The following N4BP1 variants were observed in gnomAD, a reference collection of about 807,000 sequenced individuals.
N4BP1 encodes NEDD4 binding protein 1.
Under a neutral mutation model 70.9 loss-of-function variants are expected in N4BP1, and 21 were observed. The observed-to-expected ratio is 0.30, with a 90% CI of 0.21 to 0.43. The LOEUF (loss-of-function observed/expected upper bound fraction) is 0.43. Ranked by LOEUF, N4BP1 falls within the 20% of genes least tolerant of loss-of-function variation. N4BP1 has a pLI of 1.00. For synonymous variants in N4BP1, 387 were observed against 394.6 expected, an observed-to-expected ratio of 0.98 and a Z score of 0.23; for missense variants, 936 against 1,069.4, an observed-to-expected ratio of 0.88 and a Z score of 1.74.
chr16:48,560,488 G>A (rs1963837812), intron 2 of N4BP1: 1 of 384,012 alleles, frequency 2.6e-6, no homozygotes, highest in East Asian at 4.8e-5. Flanking sequence ...ACATATCACT[G>A]AGCAATGCAA....
At chr16:48,608,137 TGACA>T (rs1415038787) in intron 1 of N4BP1, among the ~76,000 whole-genome samples, 6 of 152,222 alleles carry the variant, frequency 3.9e-5, no homozygotes, top group African/African-American at 1.2e-4. Context: ...CCTTTCTTTC[TGACA>T]TTCTCCGAGC....
rs1260154163 is a variant in N4BP1 at position 48,543,093 on chromosome 16, T to G, written c.2502A>C (p.Pro834=). ...LPQQPHFPLL[P]ALPSLQQNLP... Reference sequence around the variant, plus strand: ...GGTTCTGCTGGAGACTGGGGAGGGCTGGCAGCAGTGGGAAGTGGGGCTGCT... The same window carrying G: ...GGTTCTGCTGGAGACTGGGGAGGGCGGGCAGCAGTGGGAAGTGGGGCTGCT... The change falls in exon 7 of 7, where the codon CCA becomes CCC. Residue 834 remains proline, a synonymous_variant. Transcript: ENST00000262384. 6.2e-7 allele frequency: 1 copy of G among 1,613,654 alleles called. No homozygotes were observed. Among genetic ancestry groups the G allele is most frequent in the East Asian group, 2.2e-5 (1 of 44,868 alleles).
chr16:48,567,611 G>A (rs1963962226), intron 1 of N4BP1, among the ~76,000 whole-genome samples: 1 of 152,086 alleles, frequency 6.6e-6, no homozygotes, highest in Admixed American at 6.5e-5. Flanking sequence ...GAGCCACCAT[G>A]CTCGGCCCCT....
intron 1 of N4BP1, among the ~76,000 whole-genome samples, chr16:48,588,815 C>T (rs1330257117): frequency 6.6e-6 from 1 of 152,036 alleles, no homozygotes; most frequent in African/African-American, 2.4e-5. Flanking sequence ...GCAAATCCAG[C>T]CCTTGGACCA....
In N4BP1 at chr16:48,610,091, C is replaced by T. The variant is rs1425901303; in HGVS notation, c.-119G>A. On this transcript the variant is annotated 5_prime_UTR_variant, in exon 1 of 7. Coordinates refer to ENST00000262384, the MANE Select transcript of N4BP1 (RefSeq NM_153029.4). ...CGGCCCTTCCCGGCCGCCTCGCCCC[C>T]GCCCGCGCCCCGCCGCCCGCCCTCA... 1 of 439,780 alleles carries T rather than the reference C, an allele frequency of 2.3e-6. No individual in the cohort carries two copies. Among genetic ancestry groups the T allele is most frequent in the Non-Finnish European group, 3.0e-6 (1 of 329,170 alleles). 27.2% of individuals were successfully genotyped at this position (439,780 alleles called of 1,614,324 possible). A position where few individuals can be genotyped will look rare whatever the true frequency, so the allele number is the denominator to read the frequency against.
Position 48,553,743 on chromosome 16 carries a change from G to T in N4BP1, c.1890-74C>A, listed in dbSNP as rs1963709333. The T allele has an allele frequency of 2.4e-6, 3 of 1,236,412 alleles. 1 individual carries two copies. The African/African-American group carries it at 4.6e-5, about 19-fold the overall frequency. 76.6% of individuals were successfully genotyped at this position (1,236,412 alleles called of 1,614,324 possible). On this transcript the variant is annotated intron_variant, in intron 2 of 6. Transcript: ENST00000262384. ...AGCACAGTAAGTTTCACCATGAAAA[G>T]TTAACATACACATACAACAAACAGT...
intron 1 of N4BP1, among the ~76,000 whole-genome samples, chr16:48,598,026 T>C (rs946950307): frequency 7.2e-5 from 11 of 152,142 alleles, no homozygotes; most frequent in Non-Finnish European, 1.6e-4. Context: ...AAGGCTCCCC[T>C]GAGAAGGGGG....
chr16:48,583,654 T>C (rs1242282174), intron 1 of N4BP1, among the ~76,000 whole-genome samples: 1 of 152,240 alleles, frequency 6.6e-6, no homozygotes, highest in African/African-American at 2.4e-5. Flanking sequence ...ACATAATAAA[T>C]ACAATTTTAT....
At chr16:48,577,326 G>A (rs1455799425) in intron 1 of N4BP1, among the ~76,000 whole-genome samples, 1 of 151,514 alleles carries the variant, frequency 6.6e-6, no homozygotes, top group Non-Finnish European at 1.5e-5. Flanking sequence ...TTTTTTTTGT[G>A]TTTTTTGCTT....
At chr16:48,577,662 G>GT (rs1729687382) in intron 1 of N4BP1, 1 of 221,322 alleles carries the variant, frequency 4.5e-6, no homozygotes. Flanking sequence ...TCAGGCAGCT[G>GT]TAGGTCTTGG....
chr16:48,597,584 C>A (rs1227312315), intron 1 of N4BP1, among the ~76,000 whole-genome samples: 2 of 152,154 alleles, frequency 1.3e-5, no homozygotes, highest in South Asian at 4.1e-4. Context: ...GTTTGAAGAC[C>A]CCCAGAGAGG....
At chr16:48,581,232 C>T (rs1442473515) in intron 1 of N4BP1, among the ~76,000 whole-genome samples, 1 of 146,652 alleles carries the variant, frequency 6.8e-6, no homozygotes, top group African/African-American at 2.5e-5. Context: ...TGATAAAATC[C>T]CATGCCTTTT....
chr16:48,560,808 G>A lies in N4BP1; in HGVS notation c.1835C>T (p.Pro612Leu). ...AATGTGTTTCAAATCCGTTCTCCCT[G>A]GTTCATTTTTTAATTCCAGCTTGTA... is the stretch of plus-strand genomic sequence containing the variant. ...IPYKLELKNE[P>L]GRTDLKHIVI... The change falls in exon 2 of 7, where the codon CCA becomes CTA. Residue 612 changes from proline to leucine, a missense_variant. By Grantham distance (98) the Pro-to-Leu change is moderately conservative. This residue lies in a region of N4BP1 where 515 missense variants were observed against 491.7 expected (regional missense o/e 1.05). Transcript: ENST00000262384. 6.2e-7 allele frequency: 1 copy of A among 1,613,582 alleles called. No individual in the cohort carries two copies. The highest frequency in any genetic ancestry group is 8.5e-7 in the Non-Finnish European group (1 of 1,179,726).
At chr16:48,563,526 C>T (rs1963893111) in intron 1 of N4BP1, among the ~76,000 whole-genome samples, 1 of 151,916 alleles carries the variant, frequency 6.6e-6, no homozygotes, top group Admixed American at 6.6e-5. Flanking sequence ...GCTGGGATTA[C>T]AGGCATGTGC....
chr16:48,561,566 G>C lies in N4BP1; in HGVS notation c.1077C>G (p.Tyr359Ter). The change falls in exon 2 of 7, where the codon TAC becomes TAG. Residue 359 changes from tyrosine to a stop codon, truncating the protein, a stop_gained. Coordinates refer to ENST00000262384, the MANE Select transcript of N4BP1 (RefSeq NM_153029.4). LOFTEE classifies it high-confidence loss of function. ...TGACCTTTTCAACAATTTCTTGGGA[G>C]TAGCCCATGGTTTTAAAAAAGTTTA... ...ILVNFFKTMGYSQEIVEKVIK... is the reference protein window; with the variant it reads ...ILVNFFKTMG 1 of 1,613,858 alleles carries C rather than the reference G, an allele frequency of 6.2e-7. No individual in the cohort carries two copies. Among genetic ancestry groups the C allele is most frequent in the Non-Finnish European group, 8.5e-7 (1 of 1,179,868 alleles).
At chr16:48,576,798 C>T (rs774819759) in intron 1 of N4BP1, among the ~76,000 whole-genome samples, 2 of 152,202 alleles carry the variant, frequency 1.3e-5, no homozygotes, top group Non-Finnish European at 2.9e-5. Flanking sequence ...CCCACTGCTG[C>T]CCCTCTGCCT....
intron 6 of N4BP1, 70 bp downstream of exon 6, chr16:48,546,077 A>T: frequency 3.1e-6 from 3 of 956,224 alleles, no homozygotes; most frequent in Non-Finnish European, 1.6e-6. Flanking sequence ...CTATAAAGAC[A>T]GCACTTGCAC....
chr16:48,569,147 A>C (rs944622690), intron 1 of N4BP1, among the ~76,000 whole-genome samples: 12 of 152,198 alleles, frequency 7.9e-5, no homozygotes, highest in Admixed American at 5.2e-4. Flanking sequence ...TCATCTCAGC[A>C]CTGCTGTCTT....
chr16:48,550,601 G>A (rs1963651687), intron 4 of N4BP1, among the ~76,000 whole-genome samples: 1 of 151,992 alleles, frequency 6.6e-6, no homozygotes, highest in South Asian at 2.1e-4. Context: ...TATATGCCAA[G>A]CTAAGAAATG....
Sources: gnomAD v4.1 joint callset for allele counts (sites outside exome capture counted in the v4.1 genomes callset) on GRCh38, gnomAD v4.1.1 for gene constraint, gnomAD v4.1.1 regional missense constraint, MANE v1.5 for transcripts, NCBI Gene and HGNC (gene_info 2026-07-23, HGNC 2026-07-21) for gene names.